The following ITK variants were observed in gnomAD, a reference collection of about 807,000 sequenced individuals.
The protein encoded by ITK is IL2 inducible T cell kinase.
ITK carries 45 observed loss-of-function variants against 87.6 expected under a neutral mutation model. The ratio of observed to expected loss-of-function variants is 0.51; its 90% CI spans 0.40 to 0.66. ITK has a LOEUF of 0.66. Among genes scored for constraint, ITK ranks in the 30% least tolerant of loss-of-function variants. The pLI is 0.00. For missense variants in ITK, 605 were observed against 766.3 expected, an observed-to-expected ratio of 0.79 and a Z score of 2.48; for synonymous variants, 303 against 273.6, an observed-to-expected ratio of 1.11 and a Z score of -1.06.
rs778357395 is a variant in ITK, at chr5:157,214,194, C to T, written c.329C>T (p.Thr110Met). 25 of 1,611,606 alleles carry T rather than the reference C, an allele frequency of 1.6e-5. No individual in the cohort carries two copies. Among genetic ancestry groups the T allele is most frequent in the South Asian group, 5.5e-5 (5 of 91,038 alleles). Residue 110 changes from threonine (T) to methionine (M), a missense_variant, in exon 4 of 17, where the codon ACG becomes ATG. By Grantham distance (81) the Thr-to-Met change is moderately conservative. Coordinates refer to ENST00000422843, the MANE Select transcript of ITK (RefSeq NM_005546.4). ...TGTTGGTGCCAACCTGTTTCAGAAACGAGGAATAATAACAGTTTGGTGCCT... is the reference window on the plus strand; with the variant it reads ...TGTTGGTGCCAACCTGTTTCAGAAATGAGGAATAATAACAGTTTGGTGCCT... ...QRWVLALKEE[T>M]RNNNSLVPKY...
At chr5:157,240,566 G>A (rs1754870845) in intron 10 of ITK, 1 of 318,878 alleles carries the variant, frequency 3.1e-6, no homozygotes, top group Non-Finnish European at 6.0e-6. Flanking sequence ...GAATACCTGA[G>A]GCTGGGTAAT....
chr5:157,213,120 G>A (rs1754224150), intron 3 of ITK, among the ~76,000 whole-genome samples: 1 of 152,148 alleles, frequency 6.6e-6, no homozygotes, highest in African/African-American at 2.4e-5. Context: ...ATGGCTGGGA[G>A]GCCTCAGGAA....
In ITK at chr5:157,254,174, A is replaced by G. The variant is rs1302109206; in HGVS notation, c.*1496A>G. The G allele has an allele frequency of 4.4e-6, 1 of 229,550 alleles. No homozygotes were observed. Among genetic ancestry groups the G allele is most frequent in the African/African-American group, 2.2e-5 (1 of 45,134 alleles). 14.2% of individuals were successfully genotyped at this position (229,550 alleles called of 1,614,324 possible). A position where few individuals can be genotyped will look rare whatever the true frequency, so the allele number is the denominator to read the frequency against. ...ATACAAAGATGGAAAGCCAGTAAAG[A>G]AGTCAGTATAGAACCACTAGCGAAT... On this transcript the variant is annotated 3_prime_UTR_variant, in exon 17 of 17. Coordinates refer to ENST00000422843, the MANE Select transcript of ITK (RefSeq NM_005546.4).
Position 157,254,817 on chromosome 5 carries a change from T to G in ITK, c.*2139T>G, listed in dbSNP as rs550662483. 1 of 218,104 alleles carries G rather than the reference T, an allele frequency of 4.6e-6. No homozygotes were observed. Among genetic ancestry groups the G allele is most frequent in the South Asian group, 1.9e-4 (1 of 5,392 alleles). 13.5% of individuals were successfully genotyped at this position (218,104 alleles called of 1,614,324 possible). Reference sequence around the variant, plus strand: ...TCCCCTGTGCATGGTATTACCTTTTTCAAGCTCAGATTCATCTAATCCTCA... The same window carrying G: ...TCCCCTGTGCATGGTATTACCTTTTGCAAGCTCAGATTCATCTAATCCTCA... On this transcript the variant is annotated 3_prime_UTR_variant, in exon 17 of 17. Coordinates refer to ENST00000422843, the MANE Select transcript of ITK (RefSeq NM_005546.4).
chr5:157,196,398 A>G (rs1225733565), intron 1 of ITK, among the ~76,000 whole-genome samples: 1 of 152,088 alleles, frequency 6.6e-6, no homozygotes, highest in Admixed American at 6.6e-5. Context: ...AGTATAATTT[A>G]TTTGCATTTC....
intron 1 of ITK, among the ~76,000 whole-genome samples, chr5:157,184,809 G>T (rs407660): frequency 2.0e-5 from 3 of 152,112 alleles, no homozygotes; most frequent in Admixed American, 2.0e-4. Context: ...CACCACCTTG[G>T]TCTTCTGAAA....
chr5:157,184,644 A>C (rs1474651417), intron 1 of ITK, among the ~76,000 whole-genome samples: 1 of 152,212 alleles, frequency 6.6e-6, no homozygotes, highest in African/African-American at 2.4e-5. Flanking sequence ...CAGACCAGAC[A>C]CTTGACCTCT....
intron 1 of ITK, among the ~76,000 whole-genome samples, chr5:157,204,456 T>G (rs1754040799): frequency 6.6e-6 from 1 of 152,014 alleles, no homozygotes; most frequent in Non-Finnish European, 1.5e-5. Context: ...TCCCAGCACT[T>G]TGGGAGGTTG....
At chr5:157,251,719 A>G (rs1755141760) in intron 16 of ITK, among the ~76,000 whole-genome samples, 1 of 152,224 alleles carries the variant, frequency 6.6e-6, no homozygotes, top group Admixed American at 6.5e-5. Flanking sequence ...ATTGTTTTAC[A>G]TATGGATGTC....
chr5:157,244,287 C>A lies in ITK; in HGVS notation c.1258C>A (p.Gln420Lys), dbSNP rs1170207383. ...MMKLSHPKLVQLYGVCLEQAP... is the reference protein window; with the variant it reads ...MMKLSHPKLVKLYGVCLEQAP... ...GAAACTCTCTCATCCCAAACTGGTG[C>A]AGCTGTATGGGGTGTGCCTGGAGCA... Residue 420 changes from glutamine (Q) to lysine (K), a missense_variant, in exon 13 of 17, where the codon CAG (glutamine) becomes AAG (lysine). Gln to Lys is a moderately conservative substitution (Grantham distance 53). Around this residue, in one of 3 missense-constraint regions of ITK, gnomAD observed 464 missense variants for 578.0 expected, o/e 0.80. Coordinates refer to ENST00000422843, the MANE Select transcript of ITK (RefSeq NM_005546.4). 1.2e-6 allele frequency: 2 copies of A among 1,614,190 alleles called. No homozygotes were observed. The highest frequency in any genetic ancestry group is 1.3e-5 in the African/African-American group (1 of 75,052).
intron 8 of ITK, among the ~76,000 whole-genome samples, chr5:157,233,928 G>GATAT (rs1554102416): frequency 0.011 from 521 of 45,528 alleles, 4 homozygotes; most frequent in Non-Finnish European, 0.018. Flanking sequence ...CCTCCTTACT[G>GATAT]ATACATATAT....
chr5:157,223,044 TG>T (rs746727434), intron 6 of ITK, 30 bp downstream of exon 6: 1 of 1,613,258 alleles, frequency 6.2e-7, no homozygotes, highest in Non-Finnish European at 8.5e-7. Flanking sequence ...GCTGTCCCCG[TG>T]TTTGAGGTGT....
chr5:157,237,663 G>A (rs941163006), intron 8 of ITK, among the ~76,000 whole-genome samples: 5 of 152,232 alleles, frequency 3.3e-5, no homozygotes, highest in Non-Finnish European at 5.9e-5. Flanking sequence ...AGTAGACCAA[G>A]GCTGGGCTTT....
chr5:157,212,440 G>A (rs970627843), intron 3 of ITK, among the ~76,000 whole-genome samples: 1 of 152,198 alleles, frequency 6.6e-6, no homozygotes, highest in Admixed American at 6.5e-5. Flanking sequence ...GCCTTAAATC[G>A]GTTATGAGCA....
chr5:157,242,290 T>C (rs1163649823), intron 11 of ITK, among the ~76,000 whole-genome samples: 1 of 152,238 alleles, frequency 6.6e-6, no homozygotes, highest in African/African-American at 2.4e-5. Flanking sequence ...CATTTGGCTT[T>C]GCATCCCTTG....
chr5:157,190,308 A>G (rs1267462958), intron 1 of ITK, among the ~76,000 whole-genome samples: 1 of 152,130 alleles, frequency 6.6e-6, no homozygotes, highest in Admixed American at 6.5e-5. Context: ...CCATATCTTT[A>G]TTATGATTAT....
intron 8 of ITK, among the ~76,000 whole-genome samples, chr5:157,234,529 T>C (rs967145396): frequency 3.3e-5 from 5 of 152,228 alleles, no homozygotes; most frequent in Non-Finnish European, 5.9e-5. Flanking sequence ...TCCTGCATAG[T>C]ATTCCATGGC....
chr5:157,240,182 AC>A lies in ITK; in HGVS notation c.973del (p.His325IlefsTer7). On this transcript the variant is annotated frameshift_variant, in exon 10 of 17. Coordinates refer to ENST00000422843, the MANE Select transcript of ITK (RefSeq NM_005546.4). LOFTEE classifies it high-confidence loss of function. ...SIPLLINYHQ[H>X]NGGGLVTRLR... ...TCCCTCTTCTCATCAACTATCACCA[AC>A]ATAATGGAGGAGGTAAGCTCTAGAG... 6.2e-7 allele frequency: 1 copy of A among 1,614,118 alleles called. No homozygotes were observed. The highest frequency in any genetic ancestry group is 8.5e-7 in the Non-Finnish European group (1 of 1,179,994).
chr5:157,211,530 T>C lies in ITK; in HGVS notation c.325+162T>C, dbSNP rs527696658. On this transcript the variant is annotated intron_variant, in intron 3 of 16. Coordinates refer to ENST00000422843, the MANE Select transcript of ITK (RefSeq NM_005546.4). Reference sequence around the variant, plus strand: ...TTTTCATCCTGGGCCCAGGAAGCAATAACTGGTATCATTCAGGGATTGACC... The same window carrying C: ...TTTTCATCCTGGGCCCAGGAAGCAACAACTGGTATCATTCAGGGATTGACC... The C allele has an allele frequency of 2.7e-4, 178 of 668,026 alleles. No homozygotes were observed. In the African/African-American group the frequency reaches 2.9e-3, roughly 11 times the overall value. The allele number at this position is 668,026 out of a possible 1,614,324, so 41.4% of individuals were successfully genotyped here. A position where few individuals can be genotyped will look rare whatever the true frequency, so the allele number is the denominator to read the frequency against.
Sources: allele counts gnomAD v4.1 joint callset (sites outside exome capture counted in the v4.1 genomes callset), GRCh38; gene constraint gnomAD v4.1.1; regional missense constraint gnomAD v4.1.1; transcripts MANE v1.5; gene names NCBI Gene and HGNC (gene_info 2026-07-23, HGNC 2026-07-21).